CNGB3: variants seen among roughly 807,000 people sequenced by gnomAD.
The protein encoded by CNGB3 is cyclic nucleotide-gated channel beta-3.
CNGB3 carries 86 observed loss-of-function variants against 92.8 expected under a neutral mutation model. The observed-to-expected ratio is 0.93, with a 90% CI of 0.78 to 1.11. CNGB3 has a LOEUF of 1.11. Among genes scored for constraint, CNGB3 ranks in the 50% least tolerant of loss-of-function variants. CNGB3 has a pLI of 0.00. For missense variants in CNGB3, 1,026 were observed against 956.8 expected (o/e 1.07, Z -0.95); for synonymous variants, 333 against 332.7 (o/e 1.00, Z -0.01).
chr8:86,638,987 G>A (rs1823127664), intron 10 of CNGB3, among the ~76,000 whole-genome samples: 1 of 151,520 alleles, frequency 6.6e-6, no homozygotes, highest in African/African-American at 2.4e-5. Flanking sequence ...CAGCTATGAG[G>A]TATCTAGGAC....
chr8:86,594,550 G>T, intron 15 of CNGB3: 2 of 332,810 alleles, frequency 6.0e-6, no homozygotes, highest in South Asian at 5.3e-5. Context: ...CAGGTCGGTA[G>T]ACCAGGGAAG....
At chr8:86,669,883 G>C (rs1160608277) in intron 4 of CNGB3, among the ~76,000 whole-genome samples, 12 of 148,834 alleles carry the variant, frequency 8.1e-5, no homozygotes, top group Non-Finnish European at 1.5e-5. Flanking sequence ...TCGGAGTCTT[G>C]CTCTGTTGCC....
At chr8:86,640,003 G>A (rs924445269) in intron 10 of CNGB3, among the ~76,000 whole-genome samples, 5 of 152,066 alleles carry the variant, frequency 3.3e-5, no homozygotes, top group African/African-American at 9.7e-5. Context: ...TTTTCTGTGA[G>A]TGATTAAGAA....
At chr8:86,658,364 T>G in intron 6 of CNGB3, 16 of 437,744 alleles carry the variant, frequency 3.7e-5, no homozygotes, top group Non-Finnish European at 2.6e-5. Context: ...GTCCATCTCC[T>G]TCCCCATGGA....
At position 86,709,647 on chromosome 8, in the gene CNGB3, TTA is replaced by T. The variant is rs1399426767; in HGVS notation, c.338+16882_338+16883del. On this transcript the variant is annotated intron_variant, in intron 3 of 17. Transcript: ENST00000320005. ...ACATTTAAGTTCTCAGTTTTATGTT[TTA>T]CCGCATTGTACAACAAACTGTCCTG... Among the ~76,000 whole-genome samples, 978 of 152,254 alleles carry T rather than the reference TTA, an allele frequency of 6.4e-3. 5 individuals carry two copies. Among genetic ancestry groups the T allele is most frequent in the Middle Eastern group, 0.02 (6 of 294 alleles).
At chr8:86,713,376 A>T (rs187381854) in intron 3 of CNGB3, among the ~76,000 whole-genome samples, 5 of 152,144 alleles carry the variant, frequency 3.3e-5, no homozygotes, top group African/African-American at 1.2e-4. Context: ...ATTGCTGGGG[A>T]TAGAACTCAA....
intron 3 of CNGB3, among the ~76,000 whole-genome samples, chr8:86,718,586 C>T (rs1299301901): frequency 6.6e-6 from 1 of 152,056 alleles, no homozygotes; most frequent in Non-Finnish European, 1.5e-5. Context: ...CCCTATCAGA[C>T]ATTCAAAGAA....
At position 86,628,638 on chromosome 8, in the gene CNGB3, C is replaced by A. The variant is rs941624698; in HGVS notation, c.1480+281G>T. ...TAGACAATGCCTAATTTTCCCACTT[C>A]CTTTTTTGTATGTGTGACTATATGA... On this transcript the variant is annotated intron_variant, in intron 12 of 17. Coordinates refer to ENST00000320005, the MANE Select transcript of CNGB3 (RefSeq NM_019098.5). Among the ~76,000 whole-genome samples the A allele has an allele frequency of 4.2e-4, 64 of 152,240 alleles. 1 individual carries two copies. Among genetic ancestry groups the A allele is most frequent in the African/African-American group, 1.5e-3 (64 of 41,548 alleles).
At chr8:86,628,126 A>G (rs988098562) in intron 12 of CNGB3, among the ~76,000 whole-genome samples, 23 of 152,212 alleles carry the variant, frequency 1.5e-4, no homozygotes, top group African/African-American at 5.1e-4. Context: ...ACAGTAGCCT[A>G]TTAGTAGTTC....
intron 10 of CNGB3, among the ~76,000 whole-genome samples, chr8:86,634,886 G>C (rs1264282490): frequency 6.6e-6 from 1 of 151,144 alleles, no homozygotes; most frequent in Non-Finnish European, 1.5e-5. Context: ...TGCAGTTGAA[G>C]TTAATATTCA....
At chr8:86,666,050 C>T (rs562192639) in intron 6 of CNGB3, among the ~76,000 whole-genome samples, 26 of 152,188 alleles carry the variant, frequency 1.7e-4, no homozygotes, top group Non-Finnish European at 3.4e-4. Context: ...CAGTCCGTGT[C>T]CTAAAATATT....
intron 16 of CNGB3, 74 bp from the exon 17 acceptor site, chr8:86,578,937 A>G (rs1426010974): frequency 5.3e-5 from 84 of 1,589,446 alleles, no homozygotes; most frequent in Non-Finnish European, 6.6e-5. Flanking sequence ...AAAAACTGCA[A>G]TTTATCCTAA....
At chr8:86,731,987 C>A (rs1489715186) in intron 2 of CNGB3, among the ~76,000 whole-genome samples, 1 of 152,118 alleles carries the variant, frequency 6.6e-6, no homozygotes, top group Non-Finnish European at 1.5e-5. Context: ...CAGCTATATT[C>A]TTTGGCAGAA....
At chr8:86,690,222 CTGT>C (rs968067504) in intron 3 of CNGB3, among the ~76,000 whole-genome samples, 17 of 152,186 alleles carry the variant, frequency 1.1e-4, no homozygotes, top group Middle Eastern at 3.2e-3. Flanking sequence ...TCTCCAGCAC[CTGT>C]TGTTTCCTGA....
intron 5 of CNGB3, 87 bp from the exon 6 acceptor site, chr8:86,667,220 C>T (rs905613408): frequency 6.2e-6 from 7 of 1,121,008 alleles, no homozygotes; most frequent in African/African-American, 1.5e-5. Flanking sequence ...GGTTGGGGCA[C>T]TACCCTCTAC....
chr8:86,642,613 G>C (rs1387831119), intron 10 of CNGB3, among the ~76,000 whole-genome samples: 1 of 151,550 alleles, frequency 6.6e-6, no homozygotes, highest in African/African-American at 2.4e-5. Flanking sequence ...GTAATGCTGG[G>C]ACCTGCTTTT....
At chr8:86,738,947 A>G (rs1436871489) in intron 2 of CNGB3, among the ~76,000 whole-genome samples, 1 of 152,148 alleles carries the variant, frequency 6.6e-6, no homozygotes, top group African/African-American at 2.4e-5. Flanking sequence ...AACCTGAGTA[A>G]GGTTTTGAGC....
At chr8:86,647,681 G>C (rs1585990903) in intron 8 of CNGB3, 120 bp downstream of exon 8, 2 of 661,852 alleles carry the variant, frequency 3.0e-6, no homozygotes, top group East Asian at 5.6e-5. Context: ...AGAAGAGTTT[G>C]GGAAAAATTA....
intron 8 of CNGB3, among the ~76,000 whole-genome samples, chr8:86,644,986 TGTA>T (rs1365193766): frequency 1.3e-5 from 2 of 151,160 alleles, no homozygotes; most frequent in Non-Finnish European, 3.0e-5. Flanking sequence ...TTTGAAAGCA[TGTA>T]GTAGAACTCT....
Sources: allele counts gnomAD v4.1 joint callset (sites outside exome capture counted in the v4.1 genomes callset), GRCh38; gene constraint gnomAD v4.1.1; transcripts MANE v1.5; gene names NCBI Gene and HGNC (gene_info 2026-07-23, HGNC 2026-07-21).